Variants in MYO7A observed in about 807,000 individuals in gnomAD.
MYO7A encodes unconventional myosin-VIIa.
MYO7A carries 210 observed loss-of-function variants against 263.8 expected under a neutral mutation model. That is an observed-to-expected ratio of 0.80 (90% CI 0.71 to 0.89). MYO7A has a LOEUF of 0.89. Ranked by LOEUF, MYO7A falls within the 40% of genes least tolerant of loss-of-function variation. The pLI, the probability that MYO7A is intolerant of heterozygous loss-of-function variation, is 0.00. For synonymous variants in MYO7A, 1,239 were observed against 1,197.3 expected (o/e 1.03, Z -0.72); for missense variants, 2,820 against 2,968.3 (o/e 0.95, Z 1.16).
At chr11:77,148,500 G>T (rs1483913699) in intron 4 of MYO7A, among the ~76,000 whole-genome samples, 1 of 152,140 alleles carries the variant, frequency 6.6e-6, no homozygotes, top group African/African-American at 2.4e-5. Context: ...AAATAAAGAT[G>T]TCTGCCCCAG....
intron 11 of MYO7A, 141 bp downstream of exon 11, chr11:77,160,423 T>A: frequency 7.9e-7 from 1 of 1,263,074 alleles, no homozygotes; most frequent in East Asian, 2.6e-5. Context: ...CAGTCGGCCT[T>A]CCTTGAGTCC....
At position 77,138,414 on chromosome 11, in the gene MYO7A, G is replaced by C. The variant is rs1951003260; in HGVS notation, c.19-4295G>C. 6.6e-6 allele frequency among the ~76,000 whole-genome samples: 1 copy of C among 152,186 alleles called. No individual in the cohort carries two copies. The highest frequency in any genetic ancestry group is 2.4e-5 in the African/African-American group (1 of 41,448). On this transcript the variant is annotated intron_variant, in intron 2 of 48. Transcript: ENST00000409709. This position sits in a 1 kb window ranked among gnomAD's most constrained non-coding sequence, Gnocchi z 4.9. Reference sequence around the variant, plus strand: ...AGGCGTTCAAGACCTACGCCGTCCTGCCGGTGAGGCCCGGGCCAGGAGGGG... The same window carrying C: ...AGGCGTTCAAGACCTACGCCGTCCTCCCGGTGAGGCCCGGGCCAGGAGGGG...
chr11:77,190,896 C>T (rs562759552), intron 30 of MYO7A, 26 bp downstream of exon 30: 34 of 1,525,524 alleles, frequency 2.2e-5, no homozygotes, highest in Non-Finnish European at 2.9e-5. Flanking sequence ...AGCACCTCCT[C>T]CCGGAAGCAC....
chr11:77,161,236 G>A lies in MYO7A; in HGVS notation c.1343+121G>A, dbSNP rs10400219. On this transcript the variant is annotated intron_variant, in intron 12 of 48. Coordinates refer to ENST00000409709, the MANE Select transcript of MYO7A (RefSeq NM_000260.4). ...CTGGCACACTCTGCCAGGCTGTTCC[G>A]TCATCACGGTGGACCCTCTCCCTTT... 0.012 allele frequency: 14,820 copies of A among 1,226,346 alleles called. 1,268 individuals are homozygous for A. The African/African-American group carries it at 0.19, about 16-fold the overall frequency. The allele number at this position is 1,226,346 out of a possible 1,614,324, so 76.0% of individuals were successfully genotyped here. A position where few individuals can be genotyped will look rare whatever the true frequency, so the allele number is the denominator to read the frequency against.
At chr11:77,197,901 A>T (rs1204932216) in intron 33 of MYO7A, among the ~76,000 whole-genome samples, 3 of 152,012 alleles carry the variant, frequency 2.0e-5, no homozygotes, top group Non-Finnish European at 2.9e-5. Flanking sequence ...TGCCTCCCCA[A>T]CACCCGGTAG....
At position 77,208,451 on chromosome 11, in the gene MYO7A, G is replaced by T; in HGVS notation, c.5878G>T (p.Asp1960Tyr). Residue 1960 changes from aspartate to tyrosine, a missense_variant, in exon 43 of 49, where the codon GAC (aspartate) becomes TAC (tyrosine). Physicochemically the swap from Asp to Tyr is radical, Grantham distance 160 (BLOSUM62 -3). Transcript: ENST00000409709. ...CCAGGTCCTCAGCGTTCCTGAGAAT[G>T]ACTTCTTCTTTGACTTTGTTCGACA... ...ADKVLSVPEN[D>Y]FFFDFVRHLT... 1.9e-6 allele frequency: 3 copies of T among 1,613,580 alleles called. No individual in the cohort carries two copies. The South Asian group carries it at 3.3e-5, about 18-fold the overall frequency.
At chr11:77,146,474 T>C (rs974369667) in intron 3 of MYO7A, among the ~76,000 whole-genome samples, 1 of 151,920 alleles carries the variant, frequency 6.6e-6, no homozygotes, top group South Asian at 2.1e-4. Flanking sequence ...AATCAGGGTA[T>C]GGGCTTGAGG....
intron 4 of MYO7A, among the ~76,000 whole-genome samples, chr11:77,151,201 T>C (rs1951934006): frequency 6.6e-6 from 1 of 152,240 alleles, no homozygotes; most frequent in Admixed American, 6.5e-5. Context: ...GAGCAAGGAC[T>C]GTCCCCGCAT....
intron 31 of MYO7A, among the ~76,000 whole-genome samples, chr11:77,193,399 G>A (rs1164364107): frequency 1.3e-5 from 2 of 151,768 alleles, no homozygotes; most frequent in African/African-American, 4.9e-5. Flanking sequence ...TGATGGTGGA[G>A]GCAGTGATGG....
chr11:77,189,899 A>G, intron 28 of MYO7A, 121 bp from the exon 29 acceptor site: 1 of 1,408,778 alleles, frequency 7.1e-7, no homozygotes, highest in Non-Finnish European at 9.3e-7. Flanking sequence ...AGGGTAGGGA[A>G]GCCACAGAAA....
At chr11:77,173,131 C>T (rs868949316) in intron 16 of MYO7A, among the ~76,000 whole-genome samples, 13 of 152,194 alleles carry the variant, frequency 8.5e-5, no homozygotes, top group African/African-American at 2.7e-4. Flanking sequence ...TACAAGTGGG[C>T]GACTGCAGAC....
intron 46 of MYO7A, 163 bp from the exon 47 acceptor site, chr11:77,212,789 G>A (rs1957965190): frequency 6.1e-6 from 4 of 653,556 alleles, no homozygotes; most frequent in South Asian, 5.4e-5. Context: ...AGCACTGAGG[G>A]CCCAGCGGAG....
rs2135679044 is a variant in MYO7A, at chr11:77,199,562, C to T, written c.4596C>T (p.Gly1532=). The T allele has an allele frequency of 6.5e-7, 1 of 1,530,224 alleles. No individual in the cohort carries two copies. The highest frequency in any genetic ancestry group is 8.8e-7 in the Non-Finnish European group (1 of 1,133,338). 94.8% of individuals were successfully genotyped at this position (1,530,224 alleles called of 1,614,324 possible). A position where few individuals can be genotyped will look rare whatever the true frequency, so the allele number is the denominator to read the frequency against. The change falls in exon 35 of 49, where the codon GGC becomes GGT. Residue 1532 remains glycine (G), a synonymous_variant. Transcript: ENST00000409709. ...SRECRVWLSL[G]CSDLGCAAPH... ...AGTGCCGTGTCTGGCTCTCACTGGG[C>T]TGCTCTGATCTTGGCTGTGCTGCGC...
rs751242455 is a variant in MYO7A, at chr11:77,204,094, G to A, written c.5345G>A (p.Gly1782Asp). 1 of 1,601,578 alleles carries A rather than the reference G, an allele frequency of 6.2e-7. No individual in the cohort carries two copies. Among genetic ancestry groups the A allele is most frequent in the Non-Finnish European group, 8.5e-7 (1 of 1,174,352 alleles). ...TCCCCAGCTGTGCTCAAGTACATGG[G>A]CGACTACCCGTCCAAGAGGACACGC... is the stretch of plus-strand genomic sequence containing the variant. ...LAFIAVLKYM[G>D]DYPSKRTRSV... The change falls in exon 39 of 49, where the codon GGC becomes GAC. Residue 1782 changes from glycine to aspartate, a missense_variant. Physicochemically the swap from Gly to Asp is moderately conservative, Grantham distance 94 (BLOSUM62 -1). Coordinates refer to ENST00000409709, the MANE Select transcript of MYO7A (RefSeq NM_000260.4).
chr11:77,200,050 C>G (rs1362846608), intron 35 of MYO7A, among the ~76,000 whole-genome samples: 1 of 152,160 alleles, frequency 6.6e-6, no homozygotes, highest in Non-Finnish European at 1.5e-5. Flanking sequence ...GGGAGGATCA[C>G]TTGAGGCCAG....
chr11:77,199,928 T>C, intron 35 of MYO7A, 110 bp downstream of exon 35: 1 of 1,170,178 alleles, frequency 8.5e-7, no homozygotes, highest in South Asian at 1.8e-5. Flanking sequence ...GGGAGATTTA[T>C]GAAGAAAAGA....
intron 40 of MYO7A, among the ~76,000 whole-genome samples, 181 bp from the exon 41 acceptor site, chr11:77,205,916 A>C (rs1957418319): frequency 6.6e-6 from 1 of 152,080 alleles, no homozygotes. Context: ...GGGCCTCTCC[A>C]CACCCATCGT....
rs1403070253 is a variant in MYO7A, at chr11:77,205,443, C to A, written c.5481-19C>A. On this transcript the variant is annotated intron_variant, in intron 39 of 48. Transcript: ENST00000409709. Reference sequence around the variant, plus strand: ...CCGATGGCAGCTGCCCCTGCTGGAGCCCACGCCTCCTCCTGCAGGTACAGC... The same window carrying A: ...CCGATGGCAGCTGCCCCTGCTGGAGACCACGCCTCCTCCTGCAGGTACAGC... The A allele has an allele frequency of 6.4e-7, 1 of 1,552,010 alleles. No individual in the cohort carries two copies. The highest frequency in any genetic ancestry group is 2.4e-5 in the East Asian group (1 of 41,076).
intron 44 of MYO7A, among the ~76,000 whole-genome samples, chr11:77,210,151 A>G (rs751334883): frequency 6.6e-6 from 1 of 152,210 alleles, no homozygotes; most frequent in Non-Finnish European, 1.5e-5. Flanking sequence ...AAAGGTTGTC[A>G]TTATATATCT....
Sources: allele counts gnomAD v4.1 joint callset (sites outside exome capture counted in the v4.1 genomes callset), GRCh38; gene constraint gnomAD v4.1.1; non-coding constraint Gnocchi (gnomAD v3.1); transcripts MANE v1.5; gene names NCBI Gene and HGNC (gene_info 2026-07-23, HGNC 2026-07-21).